Variants in ANAPC4 observed in about 807,000 individuals in gnomAD.
ANAPC4 encodes anaphase-promoting complex subunit 4.
In ANAPC4, 63 loss-of-function variants were observed where a neutral mutation model predicts 119.8. That is an observed-to-expected ratio of 0.53 (90% CI 0.43 to 0.65). The LOEUF (loss-of-function observed/expected upper bound fraction) is 0.65, where lower values mean the gene tolerates loss of function less well. ANAPC4 is among the 30% of genes least tolerant of loss of function. The probability of loss-of-function intolerance (pLI) is 0.00; values close to 1 mark genes in which losing one functional copy is unlikely to be tolerated. For missense variants in ANAPC4, 716 were observed against 945.1 expected (o/e 0.76, Z 3.18); for synonymous variants, 283 against 318.6 (o/e 0.89, Z 1.19).
chr4:25,411,409 A>G lies in ANAPC4; in HGVS notation c.1525+1618A>G, dbSNP rs541564270. On this transcript the variant is annotated intron_variant, in intron 21 of 28. Coordinates refer to ENST00000315368, the MANE Select transcript of ANAPC4 (RefSeq NM_013367.3). ...AAGAAAGGCCTGATCTTAGCTACAG[A>G]CCTAATGGAACTCACTATTGAGTTC... Among the ~76,000 whole-genome samples, 8 of 152,296 alleles carry G rather than the reference A, an allele frequency of 5.3e-5. No individual in the cohort carries two copies. In the East Asian group the frequency reaches 1.5e-3, roughly 29 times the overall value.
intron 17 of ANAPC4, among the ~76,000 whole-genome samples, chr4:25,404,720 G>A (rs1723162806): frequency 6.6e-6 from 1 of 151,896 alleles, no homozygotes. Context: ...TTGTAATCCT[G>A]GCTCTGTCCC....
chr4:25,411,964 C>G (rs143341112), intron 21 of ANAPC4, among the ~76,000 whole-genome samples: 1 of 152,242 alleles, frequency 6.6e-6, no homozygotes, highest in Non-Finnish European at 1.5e-5. Flanking sequence ...CAAGACTGCC[C>G]TCGCGTCAAA....
At chr4:25,416,843 G>A (rs1723905809) in intron 27 of ANAPC4, 1 of 295,344 alleles carries the variant, frequency 3.4e-6, no homozygotes, top group Non-Finnish European at 6.2e-6. Flanking sequence ...GGAATTATTT[G>A]GAGTGGATAA....
Position 25,415,545 on chromosome 4 carries a change from G to T in ANAPC4, c.1901+5G>T. Reference sequence around the variant, plus strand: ...AACAGAAAAAGTCAGAAGAAGGTAAGTCTTGAATCTTGTTTGGATGAAATG... The same window carrying T: ...AACAGAAAAAGTCAGAAGAAGGTAATTCTTGAATCTTGTTTGGATGAAATG... On this transcript the variant is annotated splice_donor_5th_base_variant and intron_variant, in intron 26 of 28. Transcript: ENST00000315368. The T allele has an allele frequency of 6.2e-7, 1 of 1,610,832 alleles. No individual in the cohort carries two copies. Among genetic ancestry groups the T allele is most frequent in the East Asian group, 2.2e-5 (1 of 44,802 alleles).
chr4:25,379,970 C>T (rs968278838), intron 2 of ANAPC4, among the ~76,000 whole-genome samples: 1 of 152,192 alleles, frequency 6.6e-6, no homozygotes, highest in African/African-American at 2.4e-5. Context: ...AGTGATATGT[C>T]TAAGATCCAT....
Position 25,388,484 on chromosome 4 carries a change from A to AT in ANAPC4, c.369-10dup. ...TCTTTGGTGTTTTTATAATGCTTTT[A>AT]TTTTTTCCTTTTTAGTGTTCTCACA... is the stretch of plus-strand genomic sequence containing the variant. On this transcript the variant is annotated splice_polypyrimidine_tract_variant and intron_variant, in intron 4 of 28. Coordinates refer to ENST00000315368, the MANE Select transcript of ANAPC4 (RefSeq NM_013367.3). 1 of 1,520,284 alleles carries AT rather than the reference A, an allele frequency of 6.6e-7. No individual in the cohort carries two copies. Among genetic ancestry groups the AT allele is most frequent in the Non-Finnish European group, 9.0e-7 (1 of 1,107,408 alleles). The allele number at this position is 1,520,284 out of a possible 1,614,324, so 94.2% of individuals were successfully genotyped here. A position where few individuals can be genotyped will look rare whatever the true frequency, so the allele number is the denominator to read the frequency against.
chr4:25,377,346 T>C lies in ANAPC4; in HGVS notation c.-11+2T>C, dbSNP rs796898523. ...GTCTGCCGGTGGGGACTCTTGCAGG[T>C]ACAGGCGCGGTCGGGGCTCCTCGTG... On this transcript the variant is annotated splice_donor_variant, in intron 1 of 28. Coordinates refer to ENST00000315368, the MANE Select transcript of ANAPC4 (RefSeq NM_013367.3). LOFTEE classifies it low-confidence loss of function (5UTR_SPLICE). 4.5e-6 allele frequency: 7 copies of C among 1,571,066 alleles called. No individual in the cohort carries two copies. The African/African-American group carries it at 9.4e-5, about 21-fold the overall frequency.
rs546735806 is a variant in ANAPC4 at position 25,384,774 on chromosome 4, AC to A, written c.368+1383del. On this transcript the variant is annotated intron_variant, in intron 4 of 28. Coordinates refer to ENST00000315368, the MANE Select transcript of ANAPC4 (RefSeq NM_013367.3). ...GCCGTAACTGGACCACTGCACTCCA[AC>A]CTGGGTGACAGAGTGACCTGTCTCA... Among the ~76,000 whole-genome samples, 617 of 151,056 alleles carry A rather than the reference AC, an allele frequency of 4.1e-3. 1 individual carries two copies. The highest frequency in any genetic ancestry group is 6.8e-3 in the Middle Eastern group (2 of 294).
At chr4:25,381,567 C>T (rs900428373) in intron 3 of ANAPC4, among the ~76,000 whole-genome samples, 3 of 152,270 alleles carry the variant, frequency 2.0e-5, no homozygotes, top group Admixed American at 6.5e-5. Context: ...CTACCTTGGC[C>T]TACTACAGTG....
chr4:25,394,388 AT>A lies in ANAPC4; in HGVS notation c.941+16del. 6.4e-7 allele frequency: 1 copy of A among 1,551,728 alleles called. No individual in the cohort carries two copies. Among genetic ancestry groups the A allele is most frequent in the Non-Finnish European group, 8.7e-7 (1 of 1,155,276 alleles). On this transcript the variant is annotated intron_variant, in intron 12 of 28. Transcript: ENST00000315368. ...GGGGAAAGCAAGGTAATAAACTCAGATTAGGTGCTCCTGTTTTTGCTTCTTT... is the reference window on the plus strand; with the variant it reads ...GGGGAAAGCAAGGTAATAAACTCAGATAGGTGCTCCTGTTTTTGCTTCTTT...
chr4:25,399,741 C>T (rs746507214), intron 16 of ANAPC4, among the ~76,000 whole-genome samples: 5 of 152,086 alleles, frequency 3.3e-5, no homozygotes, highest in Non-Finnish European at 5.9e-5. Context: ...GGGAGGGGTC[C>T]AGGCTGGAAA....
intron 14 of ANAPC4, among the ~76,000 whole-genome samples, chr4:25,396,462 G>C (rs896649876): frequency 6.6e-6 from 1 of 152,190 alleles, no homozygotes; most frequent in Admixed American, 6.5e-5. Context: ...ATTTGATCTT[G>C]TCATTTGTTT....
intron 3 of ANAPC4, 24 bp downstream of exon 3, chr4:25,380,503 A>G: frequency 6.5e-7 from 1 of 1,538,540 alleles, no homozygotes; most frequent in Non-Finnish European, 8.9e-7. Context: ...TACAAAAAAA[A>G]TATGTTTTTA....
rs1034234198 is a variant in ANAPC4 at position 25,405,240 on chromosome 4, C to A, written c.1271-333C>A. Reference sequence around the variant, plus strand: ...AAAAATGGCTTGCAGATTTTAAGAGCAGAAACATCACCAGGTTAAAAGGAG... The same window carrying A: ...AAAAATGGCTTGCAGATTTTAAGAGAAGAAACATCACCAGGTTAAAAGGAG... On this transcript the variant is annotated intron_variant, in intron 17 of 28. Transcript: ENST00000315368. The surrounding 1 kb of genome is among the most constrained non-coding windows in gnomAD (Gnocchi z 4.6). Among the ~76,000 whole-genome samples, 7 of 151,874 alleles carry A rather than the reference C, an allele frequency of 4.6e-5. No individual in the cohort carries two copies. The highest frequency in any genetic ancestry group is 1.7e-4 in the African/African-American group (7 of 41,332).
intron 21 of ANAPC4, among the ~76,000 whole-genome samples, chr4:25,411,676 T>G (rs1207661077): frequency 6.6e-6 from 1 of 152,124 alleles, no homozygotes; most frequent in Non-Finnish European, 1.5e-5. Flanking sequence ...ATCTGTAAAA[T>G]GAAGATGGTA....
intron 27 of ANAPC4, 26 bp from the exon 28 acceptor site, chr4:25,417,590 C>T (rs1371538967): frequency 6.4e-7 from 1 of 1,557,342 alleles, no homozygotes; most frequent in South Asian, 1.2e-5. Flanking sequence ...CTTTTCATTC[C>T]TGAGTTGGTT....
chr4:25,409,759 A>G lies in ANAPC4; in HGVS notation c.1493A>G (p.Tyr498Cys). Residue 498 changes from tyrosine to cysteine, a missense_variant, in exon 21 of 29, where the codon TAT becomes TGT. Tyr to Cys is a radical substitution (Grantham distance 194, BLOSUM62 -2). This residue lies in a region of ANAPC4 where 504 missense variants were observed against 615.8 expected (regional missense o/e 0.82). Coordinates refer to ENST00000315368, the MANE Select transcript of ANAPC4 (RefSeq NM_013367.3). Reference protein sequence around the residue: ...SPPNTEGNQWYDFLQNSSHLK... With the variant: ...SPPNTEGNQWCDFLQNSSHLK... The stretch of plus-strand genomic sequence containing the variant: ...CCTAACACAGAAGGAAACCAGTGGT[A>G]TGACTTTCTTCAAAATAGCAGCCAC... 1 of 1,613,516 alleles carries G rather than the reference A, an allele frequency of 6.2e-7. No individual in the cohort carries two copies. Among genetic ancestry groups the G allele is most frequent in the Non-Finnish European group, 8.5e-7 (1 of 1,179,672 alleles).
At chr4:25,401,597 T>C (rs887179774) in intron 16 of ANAPC4, among the ~76,000 whole-genome samples, 2 of 152,230 alleles carry the variant, frequency 1.3e-5, no homozygotes, top group African/African-American at 4.8e-5. Context: ...AGGCGGAGGC[T>C]CCTTCCCAGC....
At chr4:25,416,767 T>C (rs1723902595) in intron 27 of ANAPC4, 169 bp downstream of exon 27, 1 of 447,702 alleles carries the variant, frequency 2.2e-6, no homozygotes, top group African/African-American at 2.0e-5. Context: ...TATGCTGGCC[T>C]TAATAGCTTT....
Sources: gnomAD v4.1 joint callset for allele counts (sites outside exome capture counted in the v4.1 genomes callset) on GRCh38, gnomAD v4.1.1 for gene constraint, gnomAD v4.1.1 regional missense constraint, Gnocchi (gnomAD v3.1) non-coding constraint, MANE v1.5 for transcripts, NCBI Gene and HGNC (gene_info 2026-07-23, HGNC 2026-07-21) for gene names.